SNX29: variants seen among roughly 807,000 people sequenced by gnomAD.
SNX29 encodes the protein sorting nexin 29.
SNX29 carries 78 observed loss-of-function variants against 102.1 expected under a neutral mutation model. The observed-to-expected ratio is 0.76, with a 90% confidence interval of 0.64 to 0.92. SNX29 has a LOEUF of 0.92. Ranked by LOEUF, SNX29 falls within the 40% of genes least tolerant of loss-of-function variation. The pLI is 0.00. For synonymous variants in SNX29, 580 were observed against 414.5 expected (o/e 1.40, Z -4.85); for missense variants, 1,280 against 1,061.7 (o/e 1.21, Z -2.86).
At chr16:12,239,173 G>T (rs568296997) in intron 14 of SNX29, among the ~76,000 whole-genome samples, 1 of 152,300 alleles carries the variant, frequency 6.6e-6, no homozygotes, top group East Asian at 1.9e-4. Flanking sequence ...GAAGAAGGAG[G>T]GGATGGATGC....
intron 20 of SNX29, among the ~76,000 whole-genome samples, chr16:12,539,712 C>CTTTACTGTGGCTGT (rs1567674926): frequency 6.6e-6 from 1 of 152,202 alleles, no homozygotes; most frequent in East Asian, 1.9e-4. Context: ...TGTCATGATT[C>CTTTACTGTGGCTGT]TTTACTGTGG....
intron 11 of SNX29, among the ~76,000 whole-genome samples, chr16:12,115,547 C>G (rs2053664889): frequency 1.3e-5 from 2 of 150,896 alleles, no homozygotes; most frequent in Non-Finnish European, 2.9e-5. Context: ...AGTGGAATCA[C>G]TCTGTAAAGG....
chr16:12,363,443 G>T (rs943666730), intron 16 of SNX29, among the ~76,000 whole-genome samples: 1 of 152,142 alleles, frequency 6.6e-6, no homozygotes, highest in African/African-American at 2.4e-5. Flanking sequence ...CTCAGGGTCA[G>T]GACTGTCTAC....
At chr16:12,120,552 T>A (rs1239417427) in intron 11 of SNX29, among the ~76,000 whole-genome samples, 1 of 152,208 alleles carries the variant, frequency 6.6e-6, no homozygotes, top group Non-Finnish European at 1.5e-5. Context: ...CTTTAGTGGC[T>A]GAAGAAGAGA....
intron 14 of SNX29, among the ~76,000 whole-genome samples, chr16:12,216,575 A>G (rs2077329467): frequency 6.6e-6 from 1 of 152,186 alleles, no homozygotes; most frequent in South Asian, 2.1e-4. Context: ...GGAAGGTGAG[A>G]CAGCATTCAT....
chr16:12,556,059 T>C (rs1028699331), intron 20 of SNX29, among the ~76,000 whole-genome samples: 1 of 151,520 alleles, frequency 6.6e-6, no homozygotes, highest in African/African-American at 2.4e-5. Flanking sequence ...TAAAGGGTGC[T>C]TTTCTTATTA....
chr16:12,410,003 G>GT (rs1215689869), intron 18 of SNX29, among the ~76,000 whole-genome samples: 9 of 151,452 alleles, frequency 5.9e-5, no homozygotes, highest in African/African-American at 1.5e-4. Context: ...GTTTTGTTTT[G>GT]TTTTTTTCTG....
At chr16:12,333,184 C>T (rs1384237809) in intron 15 of SNX29, among the ~76,000 whole-genome samples, 2 of 147,918 alleles carry the variant, frequency 1.4e-5, no homozygotes, top group African/African-American at 5.0e-5. Flanking sequence ...TGGCTCACTG[C>T]AACTTCCGCC....
Position 12,279,997 on chromosome 16 carries a change from G to A in SNX29, c.1782+1961G>A, listed in dbSNP as rs141738098. Among the ~76,000 whole-genome samples the A allele has an allele frequency of 5.8e-3, 889 of 152,292 alleles. 7 individuals are homozygous for A. Among genetic ancestry groups the A allele is most frequent in the Middle Eastern group, 0.01 (3 of 294 alleles). On this transcript the variant is annotated intron_variant, in intron 15 of 20. Coordinates refer to ENST00000566228, the MANE Select transcript of SNX29 (RefSeq NM_032167.5). ...GTGCTGGGTCCAGGCAGCGCTCTCC[G>A]TGGAGATTCTCCACCTGTGGGGCTG...
chr16:12,334,543 A>G (rs747862704), intron 15 of SNX29, among the ~76,000 whole-genome samples: 2 of 152,184 alleles, frequency 1.3e-5, no homozygotes, highest in Non-Finnish European at 1.5e-5. Flanking sequence ...CCCCGCAAAC[A>G]TTATGGGACC....
At chr16:12,311,454 CCTGGCTTCCTCTG>C (rs1248564019) in intron 15 of SNX29, among the ~76,000 whole-genome samples, 1 of 152,252 alleles carries the variant, frequency 6.6e-6, no homozygotes, top group Non-Finnish European at 1.5e-5. Flanking sequence ...TTTCCTGGCT[CCTGGCTTCCTCTG>C]CTGGCTGGAC....
intron 4 of SNX29, among the ~76,000 whole-genome samples, chr16:12,038,050 A>T (rs2057525213): frequency 1.3e-5 from 2 of 152,176 alleles, no homozygotes; most frequent in Non-Finnish European, 2.9e-5. Context: ...TAGTAGTGAT[A>T]TTAATAGCTG....
chr16:12,135,415 A>C (rs2054623646), intron 13 of SNX29: 2 of 859,074 alleles, frequency 2.3e-6, no homozygotes, highest in African/African-American at 1.7e-5. Flanking sequence ...CAGCCCACCC[A>C]GGCCTGGACA....
chr16:12,273,341 TG>T lies in SNX29; in HGVS notation c.1679-4591del, dbSNP rs1394570140. Among the ~76,000 whole-genome samples, 39 of 89,954 alleles carry T rather than the reference TG, an allele frequency of 4.3e-4. 1 individual carries two copies. In the East Asian group the frequency reaches 4.5e-3, roughly 10 times the overall value. The allele number at this position is 89,954 out of a possible 152,430, so 59.0% of individuals were successfully genotyped here. A position where few individuals can be genotyped will look rare whatever the true frequency, so the allele number is the denominator to read the frequency against. The stretch of plus-strand genomic sequence containing the variant: ...ATTTTAGTGGTGGTTTTTTGTTTTT[TG>T]TTTTTTTTTTTTTGTTGTTGTTTGT... On this transcript the variant is annotated intron_variant, in intron 14 of 20. Coordinates refer to ENST00000566228, the MANE Select transcript of SNX29 (RefSeq NM_032167.5).
At chr16:12,304,201 C>G (rs2080269008) in intron 15 of SNX29, among the ~76,000 whole-genome samples, 1 of 148,984 alleles carries the variant, frequency 6.7e-6, no homozygotes, top group African/African-American at 2.5e-5. Flanking sequence ...TTTGCCTTGA[C>G]TTCTAAGAAG....
chr16:12,251,729 A>G (rs2078428835), intron 14 of SNX29, among the ~76,000 whole-genome samples: 1 of 151,996 alleles, frequency 6.6e-6, no homozygotes, highest in African/African-American at 2.4e-5. Context: ...ACAAAAACCA[A>G]ACACAAATTC....
intron 14 of SNX29, among the ~76,000 whole-genome samples, chr16:12,241,331 G>A (rs200531202): frequency 3.9e-5 from 6 of 152,166 alleles, no homozygotes; most frequent in East Asian, 3.8e-4. Flanking sequence ...ACTGTTTTAC[G>A]TTAAAAGGGG....
chr16:12,554,725 CTTTCAGTT>C (rs1331304358), intron 20 of SNX29, among the ~76,000 whole-genome samples: 5 of 152,290 alleles, frequency 3.3e-5, no homozygotes, highest in African/African-American at 7.2e-5. Context: ...GTCTTTCAGT[CTTTCAGTT>C]TGCATTTTCC....
At chr16:12,464,246 A>C (rs905183615) in intron 18 of SNX29, among the ~76,000 whole-genome samples, 1 of 113,684 alleles carries the variant, frequency 8.8e-6, no homozygotes, top group East Asian at 4.1e-4. Flanking sequence ...GTGTGTGTGT[A>C]CCACATATAT....
Sources: allele counts gnomAD v4.1 joint callset (sites outside exome capture counted in the v4.1 genomes callset), GRCh38; gene constraint gnomAD v4.1.1; transcripts MANE v1.5; gene names NCBI Gene and HGNC (gene_info 2026-07-23, HGNC 2026-07-21).